The following MMD2 variants were observed in gnomAD, a reference collection of about 807,000 sequenced individuals.
MMD2 encodes the protein monocyte to macrophage differentiation factor 2.
In MMD2, 30 loss-of-function variants were observed where a neutral mutation model predicts 33.5. That is an observed-to-expected ratio of 0.90 (90% CI 0.67 to 1.22). MMD2 has a LOEUF of 1.22. Among genes scored for constraint, MMD2 ranks in the 50% most tolerant of loss-of-function variants. The pLI is 0.00. For synonymous variants in MMD2, 129 were observed against 123.0 expected (o/e 1.05, Z -0.32); for missense variants, 364 against 325.4 (o/e 1.12, Z -0.91).
chr7:4,894,835 A>T, the MMD2 span, among the ~76,000 whole-genome samples: 1 of 152,072 alleles, frequency 6.6e-6, no homozygotes, highest in African/African-American at 2.4e-5. This position sits in a 1 kb window ranked among gnomAD's most constrained non-coding sequence, Gnocchi z 4.3. Flanking sequence ...GTCCAGGAAG[A>T]ATCAGGTCAC....
intron 1 of MMD2, among the ~76,000 whole-genome samples, chr7:4,944,558 G>A (rs1422080934): frequency 6.6e-6 from 1 of 152,050 alleles, no homozygotes; most frequent in Non-Finnish European, 1.5e-5. Flanking sequence ...GTGGAAGATC[G>A]AGGAGGACTT....
At chr7:4,951,910 C>CT (rs34367605) in intron 1 of MMD2, among the ~76,000 whole-genome samples, 1 of 152,006 alleles carries the variant, frequency 6.6e-6, no homozygotes, top group Admixed American at 6.6e-5. Flanking sequence ...AATTTTTTGC[C>CT]TTTTTTTGGA....
intron 6 of MMD2, chr7:4,909,636 A>C: frequency 1.5e-6 from 1 of 683,594 alleles, no homozygotes. Context: ...GGGTCTTGCT[A>C]TGTTGCCCAG....
chr7:4,924,476 G>T (rs984974044), intron 2 of MMD2, among the ~76,000 whole-genome samples: 2 of 152,240 alleles, frequency 1.3e-5, no homozygotes, highest in African/African-American at 4.8e-5. Context: ...CAGGGGTTCT[G>T]TTTGAACTCA....
chr7:4,905,632 T>C (rs1784853207), downstream of MMD2, among the ~76,000 whole-genome samples: 1 of 152,020 alleles, frequency 6.6e-6, no homozygotes, highest in Admixed American at 6.6e-5. This position sits in a 1 kb window ranked among gnomAD's most constrained non-coding sequence, Gnocchi z 5.0. Flanking sequence ...GGAGGTCTCC[T>C]AAACAACACC....
chr7:4,914,469 C>T (rs1448509653), intron 4 of MMD2, among the ~76,000 whole-genome samples: 2 of 152,140 alleles, frequency 1.3e-5, no homozygotes, highest in Non-Finnish European at 2.9e-5. Context: ...TGTATTCTCC[C>T]TGTTTATGTA....
At position 4,920,248 on chromosome 7, in the gene MMD2, G is replaced by T. The variant is rs1160313910; in HGVS notation, c.213C>A (p.Ile71=). Residue 71 remains isoleucine, a synonymous_variant, in exon 3 of 7, where the codon ATC becomes ATA. Transcript: ENST00000401401. ...AGAGGCCGCAGAGGCCGAGGCCGTA[G>T]ATCCAGGCAGAGATGGTCTCCCAGT... The part of the protein sequence containing the change: ...DDDWETISAW[I]YGLGLCGLFV... 1.2e-6 allele frequency: 2 copies of T among 1,600,804 alleles called. No homozygotes were observed. The highest frequency in any genetic ancestry group is 2.7e-5 in the African/African-American group (2 of 74,698).
intron 4 of MMD2, among the ~76,000 whole-genome samples, chr7:4,915,099 C>T (rs1274539720): frequency 2.0e-5 from 3 of 151,802 alleles, no homozygotes; most frequent in Non-Finnish European, 4.4e-5. Context: ...ATACTGAGAC[C>T]CATCTCTACA....
chr7:4,920,787 A>G (rs1785263283), intron 2 of MMD2, among the ~76,000 whole-genome samples: 1 of 140,778 alleles, frequency 7.1e-6, no homozygotes, highest in African/African-American at 2.7e-5. Flanking sequence ...GTGCAATCGC[A>G]GTTCACTACA....
intron 4 of MMD2, among the ~76,000 whole-genome samples, chr7:4,915,210 G>A (rs930701998): frequency 6.6e-6 from 1 of 151,616 alleles, no homozygotes; most frequent in Non-Finnish European, 1.5e-5. Flanking sequence ...GTTGGAGGCT[G>A]CAGTGAGCTA....
intron 1 of MMD2, among the ~76,000 whole-genome samples, chr7:4,944,892 T>C (rs1786013416): frequency 6.7e-6 from 1 of 149,856 alleles, no homozygotes; most frequent in Non-Finnish European, 1.5e-5. Context: ...CTCAGCCTCC[T>C]GAATAGCTGG....
At chr7:4,892,303 C>A in the MMD2 span, among the ~76,000 whole-genome samples, 34 of 152,118 alleles carry the variant, frequency 2.2e-4, no homozygotes, top group East Asian at 5.6e-3. Flanking sequence ...AAAAATAAAT[C>A]AAGGCCGGGC....
At chr7:4,925,724 G>A (rs1395780323) in intron 1 of MMD2, among the ~76,000 whole-genome samples, 192 bp from the exon 2 acceptor site, 2 of 151,936 alleles carry the variant, frequency 1.3e-5, no homozygotes, top group Non-Finnish European at 2.9e-5. Flanking sequence ...AAATGGTTTT[G>A]GATTATCCAA....
chr7:4,902,259 AT>A (rs1011916384), downstream of MMD2, among the ~76,000 whole-genome samples: 61 of 152,166 alleles, frequency 4.0e-4, no homozygotes, highest in Middle Eastern at 3.4e-3. Context: ...ACCAAAAAAA[AT>A]ATTCTTTAAT....
intron 3 of MMD2, among the ~76,000 whole-genome samples, chr7:4,918,870 G>A (rs1023244273): frequency 6.6e-6 from 1 of 151,922 alleles, no homozygotes; most frequent in African/African-American, 2.4e-5. Context: ...AGCCAAGGAG[G>A]GCAGATCGCC....
At chr7:4,934,609 C>T (rs1044905865) in intron 1 of MMD2, among the ~76,000 whole-genome samples, 1 of 152,188 alleles carries the variant, frequency 6.6e-6, no homozygotes, top group African/African-American at 2.4e-5. Flanking sequence ...TTGTAGCCAA[C>T]CCTTACTGCT....
chr7:4,933,280 T>C (rs1785643045), intron 1 of MMD2, among the ~76,000 whole-genome samples: 2 of 152,146 alleles, frequency 1.3e-5, no homozygotes, highest in Non-Finnish European at 2.9e-5. Flanking sequence ...GAGGATCACT[T>C]GAGCCCAGGA....
intron 1 of MMD2, among the ~76,000 whole-genome samples, chr7:4,944,794 GTC>G (rs1786009955): frequency 1.1e-5 from 1 of 93,072 alleles, no homozygotes; most frequent in Non-Finnish European, 2.0e-5. Flanking sequence ...TTGAGACAGA[GTC>G]TTGCTTTGTC....
chr7:4,899,290 A>G, the MMD2 span, among the ~76,000 whole-genome samples: 1 of 152,226 alleles, frequency 6.6e-6, no homozygotes, highest in Non-Finnish European at 1.5e-5. Context: ...GCCAAAATAG[A>G]CAAAGGCTAG....
Sources: allele counts gnomAD v4.1 joint callset (sites outside exome capture counted in the v4.1 genomes callset), GRCh38; gene constraint gnomAD v4.1.1; non-coding constraint Gnocchi (gnomAD v3.1); transcripts MANE v1.5; gene names NCBI Gene and HGNC (gene_info 2026-07-23, HGNC 2026-07-21).